Variants in DDX59 observed in about 807,000 individuals in gnomAD.
DDX59 encodes DEAD-box helicase 59, also known as probable ATP-dependent RNA helicase DDX59.
In DDX59, 30 loss-of-function variants were observed where a neutral mutation model predicts 51.9. The observed-to-expected ratio is 0.58, with a 90% CI of 0.43 to 0.78. The LOEUF is 0.78. DDX59 is among the 30% of genes least tolerant of loss of function. DDX59 has a pLI of 0.00. For synonymous variants in DDX59, 255 were observed against 253.3 expected, an observed-to-expected ratio of 1.01 and a Z score of -0.06; for missense variants, 672 against 730.8, an observed-to-expected ratio of 0.92 and a Z score of 0.93.
intron 4 of DDX59, among the ~76,000 whole-genome samples, chr1:200,658,302 T>G (rs1662162884): frequency 6.6e-6 from 1 of 152,214 alleles, no homozygotes; most frequent in African/African-American, 2.4e-5. Context: ...TTACTTCATC[T>G]TATTAAGTAG....
Position 200,650,692 on chromosome 1 carries a change from A to G in DDX59, c.1063-16T>C. On this transcript the variant is annotated splice_polypyrimidine_tract_variant and intron_variant, in intron 4 of 7. Transcript: ENST00000331314. ...TGGTATCAGCCTAAAATAAAATTGTATTAAAGTTAGTCTTGTTTGACATTA... is the reference window on the plus strand; with the variant it reads ...TGGTATCAGCCTAAAATAAAATTGTGTTAAAGTTAGTCTTGTTTGACATTA... 1.3e-6 allele frequency: 2 copies of G among 1,580,170 alleles called. No homozygotes were observed. The highest frequency in any genetic ancestry group is 1.7e-6 in the Non-Finnish European group (2 of 1,158,960).
At chr1:200,658,587 T>C (rs1482937137) in intron 4 of DDX59, among the ~76,000 whole-genome samples, 1 of 152,166 alleles carries the variant, frequency 6.6e-6, no homozygotes, top group Non-Finnish European at 1.5e-5. Context: ...TCCCAGCTAC[T>C]CAGGAGGCTG....
At chr1:200,641,678 G>T (rs187217595), downstream of DDX59, among the ~76,000 whole-genome samples, 387 of 152,084 alleles carry the variant, frequency 2.5e-3, 3 homozygotes, top group African/African-American at 8.7e-3. Flanking sequence ...AGACCAGCCT[G>T]GCCAACATGG....
In DDX59 at chr1:200,666,391, T is replaced by C; in HGVS notation, c.350A>G (p.Tyr117Cys). The C allele has an allele frequency of 6.2e-7, 1 of 1,614,210 alleles. No individual in the cohort carries two copies. The highest frequency in any genetic ancestry group is 8.5e-7 in the Non-Finnish European group (1 of 1,180,036). Reference sequence around the variant, plus strand: ...ATCTTCATCTGTCTTATCACAGATATACTCTCCATAACGACCACAGACAAC... The same window carrying C: ...ATCTTCATCTGTCTTATCACAGATACACTCTCCATAACGACCACAGACAAC... ...ICVVCGRYGE[Y>C]ICDKTDEDVC... The change falls in exon 2 of 8, where the codon TAT becomes TGT. Residue 117 changes from tyrosine (Y) to cysteine (C), a missense_variant. By Grantham distance (194) the Tyr-to-Cys change is radical. Transcript: ENST00000331314.
chr1:200,648,809 T>C (rs9427709), intron 6 of DDX59, among the ~76,000 whole-genome samples: 2,306 of 152,332 alleles, frequency 0.015, 28 homozygotes, highest in South Asian at 0.03. Context: ...ACTGCCCTGC[T>C]CTAGTCCAAA....
chr1:200,661,131 GGAA>G lies in DDX59; in HGVS notation c.973-2018_973-2016del, dbSNP rs771030376. ...AACATCTTCTTTAGATAGAAGGTAA[GGAA>G]GACTCAAAGAATGATGGAGATCTGA... is the stretch of plus-strand genomic sequence containing the variant. On this transcript the variant is annotated intron_variant, in intron 3 of 7. Transcript: ENST00000331314. 5.3e-5 allele frequency among the ~76,000 whole-genome samples: 8 copies of G among 152,168 alleles called. No individual in the cohort carries two copies. In the East Asian group the frequency reaches 9.6e-4, roughly 18 times the overall value.
At chr1:200,657,831 C>G (rs1220981247) in intron 4 of DDX59, among the ~76,000 whole-genome samples, 1 of 151,802 alleles carries the variant, frequency 6.6e-6, no homozygotes, top group Admixed American at 6.6e-5. Context: ...GCAGGAGAAC[C>G]ACTTGAACGC....
rs1003585389 is a variant in DDX59 at position 200,650,451 on chromosome 1, T to C, written c.1288A>G (p.Lys430Glu). The C allele has an allele frequency of 2.5e-6, 4 of 1,612,940 alleles. No homozygotes were observed. The highest frequency in any genetic ancestry group is 3.4e-6 in the Non-Finnish European group (4 of 1,179,534). ...TTTAAAATTTCAAATAATTTTTTCT[T>C]TTTGGCTGGGTCTTCTACCCACAAA... is the stretch of plus-strand genomic sequence containing the variant. ...IILWVEDPAK[K>E]KKLFEILNDK... is the part of the protein sequence containing the mutation. The change falls in exon 5 of 8, where the codon AAG becomes GAG. Residue 430 changes from lysine (K) to glutamate (E), a missense_variant. Coordinates refer to ENST00000331314, the MANE Select transcript of DDX59 (RefSeq NM_001031725.6).
downstream of DDX59, among the ~76,000 whole-genome samples, chr1:200,642,919 AAC>A (rs1661090377): frequency 6.6e-6 from 1 of 152,226 alleles, no homozygotes; most frequent in East Asian, 1.9e-4. Context: ...TAAGAAGGTC[AAC>A]AGAGACCACG....
downstream of DDX59, chr1:200,643,955 C>T (rs577079068): frequency 6.7e-5 from 17 of 252,384 alleles, no homozygotes; most frequent in African/African-American, 2.3e-4. Flanking sequence ...ATCACTGATC[C>T]GAGTCAGAGT....
At chr1:200,644,747 T>A (rs1218342409) in intron 7 of DDX59, among the ~76,000 whole-genome samples, 2 of 151,900 alleles carry the variant, frequency 1.3e-5, no homozygotes, top group East Asian at 3.9e-4. Context: ...ACACAAAAAT[T>A]AGCCAGGCAT....
chr1:200,668,201 G>A lies in DDX59; in HGVS notation c.-11-1450C>T, dbSNP rs544775527. On this transcript the variant is annotated intron_variant, in intron 1 of 7. Coordinates refer to ENST00000331314, the MANE Select transcript of DDX59 (RefSeq NM_001031725.6). ...CAGGCGCCTGTAGTCCCAGCTACTC[G>A]GGAGGCTGAGGCAGGAGAATGGCGT... 3.9e-5 allele frequency among the ~76,000 whole-genome samples: 6 copies of A among 152,170 alleles called. No homozygotes were observed. In the South Asian group the frequency reaches 1.0e-3, roughly 26 times the overall value.
chr1:200,653,033 CT>C (rs1661767689), intron 4 of DDX59, among the ~76,000 whole-genome samples: 1 of 152,182 alleles, frequency 6.6e-6, no homozygotes, highest in Admixed American at 6.6e-5. Context: ...TCTGAGCCTC[CT>C]TTCTCTTCTC....
rs556945834 is a variant in DDX59 at position 200,668,218 on chromosome 1, G to T, written c.-11-1467C>A. 2.5e-4 allele frequency among the ~76,000 whole-genome samples: 38 copies of T among 152,044 alleles called. No individual in the cohort carries two copies. In the South Asian group the frequency reaches 7.5e-3, roughly 30 times the overall value. ...AGCTACTCGGGAGGCTGAGGCAGGA[G>T]AATGGCGTGAACCCGGGAAGCGGAG... On this transcript the variant is annotated intron_variant, in intron 1 of 7. Transcript: ENST00000331314.
At chr1:200,666,849 T>G in intron 1 of DDX59, 98 bp from the exon 2 acceptor site, 1 of 1,267,158 alleles carries the variant, frequency 7.9e-7, no homozygotes, top group African/African-American at 1.5e-5. Flanking sequence ...GGCTCACCCC[T>G]GTAATCCCAG....
intron 4 of DDX59, 100 bp downstream of exon 4, chr1:200,658,927 A>C (rs933294408): frequency 8.9e-6 from 9 of 1,015,818 alleles, no homozygotes; most frequent in Middle Eastern, 3.2e-4. Context: ...GTTTTTTTTG[A>C]GAGAGAGAAA....
At chr1:200,654,233 G>A (rs1661860508) in intron 4 of DDX59, among the ~76,000 whole-genome samples, 1 of 152,092 alleles carries the variant, frequency 6.6e-6, no homozygotes, top group South Asian at 2.1e-4. Flanking sequence ...CTAACACGGT[G>A]AAATCTCATC....
At chr1:200,648,345 C>T (rs987078806) in intron 7 of DDX59, 94 bp downstream of exon 7, 26 of 1,547,836 alleles carry the variant, frequency 1.7e-5, no homozygotes, top group East Asian at 6.8e-5. Flanking sequence ...CTGTCCTGGC[C>T]GATACTGCTT....
At position 200,663,978 on chromosome 1, in the gene DDX59, G is replaced by A. The variant is rs1227267283; in HGVS notation, c.913C>T (p.Leu305Phe). The change falls in exon 3 of 8, where the codon CTT (leucine) becomes TTT (phenylalanine). Residue 305 changes from leucine to phenylalanine, a missense_variant. Leu to Phe is a conservative substitution (Grantham distance 22). Coordinates refer to ENST00000331314, the MANE Select transcript of DDX59 (RefSeq NM_001031725.6). ...MSGLPRMKTV[L>F]LVGGLPLPPQ... ...GGTAAGGGTAAGCCCCCTACAAGAA[G>A]CACAGTTTTCATGCGTGGCAGGCCA... 1 of 1,614,160 alleles carries A rather than the reference G, an allele frequency of 6.2e-7. No homozygotes were observed. Among genetic ancestry groups the A allele is most frequent in the East Asian group, 2.2e-5 (1 of 44,876 alleles).
Sources: allele counts gnomAD v4.1 joint callset (sites outside exome capture counted in the v4.1 genomes callset), GRCh38; gene constraint gnomAD v4.1.1; transcripts MANE v1.5; gene names NCBI Gene and HGNC (gene_info 2026-07-23, HGNC 2026-07-21).